Variants in MTUS2 observed in about 807,000 individuals in gnomAD.
MTUS2 encodes the protein microtubule associated scaffold protein 2, also known as microtubule-associated tumor suppressor candidate 2.
MTUS2 carries 40 observed loss-of-function variants against 114.1 expected under a neutral mutation model. The ratio of observed to expected loss-of-function variants is 0.35; its 90% confidence interval spans 0.27 to 0.46. The LOEUF (loss-of-function observed/expected upper bound fraction) is 0.46, where lower values mean the gene tolerates loss of function less well. Ranked by LOEUF, MTUS2 falls within the 20% of genes least tolerant of loss-of-function variation. MTUS2 has a pLI of 1.00. For missense variants in MTUS2, 1,679 were observed against 1,705.4 expected, an observed-to-expected ratio of 0.98 and a Z score of 0.27; for synonymous variants, 688 against 672.0, an observed-to-expected ratio of 1.02 and a Z score of -0.37.
chr13:29,211,210 A>G (rs1030446462), intron 5 of MTUS2, among the ~76,000 whole-genome samples: 11 of 152,016 alleles, frequency 7.2e-5, no homozygotes, highest in Admixed American at 6.6e-5. Flanking sequence ...CAGGGAGATT[A>G]TGCCTGCCTC....
At chr13:29,395,078 A>C (rs1272374197) in intron 8 of MTUS2, among the ~76,000 whole-genome samples, 2 of 152,184 alleles carry the variant, frequency 1.3e-5, no homozygotes, top group African/African-American at 4.8e-5. Flanking sequence ...ATATTTTGGG[A>C]TAAAATACTT....
At chr13:29,158,358 C>CTTTTTTTTT (rs372666382) in intron 5 of MTUS2, among the ~76,000 whole-genome samples, 2 of 32,056 alleles carry the variant, frequency 6.2e-5, no homozygotes, top group African/African-American at 2.1e-4. Context: ...GTCCACCCCG[C>CTTTTTTTTT]TTTTTTTTTT....
intron 5 of MTUS2, among the ~76,000 whole-genome samples, chr13:29,138,078 T>G (rs759576771): frequency 1.3e-5 from 2 of 152,178 alleles, no homozygotes; most frequent in Non-Finnish European, 2.9e-5. Flanking sequence ...GCACAGATCC[T>G]TGACATTTGG....
intron 5 of MTUS2, among the ~76,000 whole-genome samples, chr13:29,126,729 A>G (rs950171150): frequency 8.6e-5 from 13 of 151,944 alleles, no homozygotes; most frequent in Non-Finnish European, 1.8e-4. Flanking sequence ...GAAGCTACAT[A>G]TTGGACACCC....
At chr13:29,383,469 G>A (rs544205015) in intron 8 of MTUS2, among the ~76,000 whole-genome samples, 6 of 152,220 alleles carry the variant, frequency 3.9e-5, no homozygotes, top group Admixed American at 2.0e-4. Context: ...TGTGCCTAGC[G>A]AAGGCAGGGA....
At chr13:29,491,204 G>C (rs989649432) in intron 11 of MTUS2, among the ~76,000 whole-genome samples, 1 of 24,466 alleles carries the variant, frequency 4.1e-5, no homozygotes, top group Non-Finnish European at 2.0e-4. Context: ...TATGGTGGGG[G>C]TGTGGGTATG....
At chr13:29,000,846 A>C (rs1051583395) in intron 2 of MTUS2, among the ~76,000 whole-genome samples, 9 of 152,074 alleles carry the variant, frequency 5.9e-5, no homozygotes, top group Admixed American at 2.0e-4. Context: ...TCTTTACTGC[A>C]TACCTCTGAT....
intron 2 of MTUS2, among the ~76,000 whole-genome samples, chr13:28,873,767 T>G (rs934994438): frequency 6.6e-6 from 1 of 152,314 alleles, no homozygotes; most frequent in East Asian, 1.9e-4. Flanking sequence ...TATTAATAAT[T>G]GAAGAAGCCA....
intron 5 of MTUS2, among the ~76,000 whole-genome samples, chr13:29,250,128 AAAAT>A (rs923349149): frequency 1.6e-4 from 25 of 152,204 alleles, no homozygotes; most frequent in Admixed American, 1.3e-4. Context: ...AAAAAATAAT[AAAAT>A]AAAATAAAAT....
At chr13:29,199,152 A>G (rs778217003) in intron 5 of MTUS2, among the ~76,000 whole-genome samples, 3 of 152,194 alleles carry the variant, frequency 2.0e-5, no homozygotes, top group Non-Finnish European at 4.4e-5. Context: ...CTAAGCAAAA[A>G]GAACAAAGCT....
rs545542572 is a variant in MTUS2, at chr13:29,505,247, A to G, written c.*2041A>G. 5 of 231,850 alleles carry G rather than the reference A, an allele frequency of 2.2e-5. No individual in the cohort carries two copies. The Admixed American group carries it at 2.8e-4, about 13-fold the overall frequency. 14.4% of individuals were successfully genotyped at this position (231,850 alleles called of 1,614,324 possible). A position where few individuals can be genotyped will look rare whatever the true frequency, so the allele number is the denominator to read the frequency against. ...TGTCCGAATTAGGAACCGCTTACATAGCCGCACCTGCTAAATGCAGTTACA... is the reference window on the plus strand; with the variant it reads ...TGTCCGAATTAGGAACCGCTTACATGGCCGCACCTGCTAAATGCAGTTACA... On this transcript the variant is annotated 3_prime_UTR_variant, in exon 16 of 16. Transcript: ENST00000612955.
intron 8 of MTUS2, among the ~76,000 whole-genome samples, chr13:29,372,713 G>A (rs1015179338): frequency 1.3e-5 from 2 of 152,082 alleles, no homozygotes; most frequent in African/African-American, 4.8e-5. Context: ...TATATGATCT[G>A]GATTTTTTTT....
At chr13:29,356,791 A>G (rs1869778901) in intron 7 of MTUS2, among the ~76,000 whole-genome samples, 1 of 152,234 alleles carries the variant, frequency 6.6e-6, no homozygotes, top group East Asian at 1.9e-4. Flanking sequence ...TTTGTTTCTC[A>G]GCTTTTTCTT....
At chr13:28,968,675 C>G (rs1044709006) in intron 2 of MTUS2, among the ~76,000 whole-genome samples, 1 of 152,100 alleles carries the variant, frequency 6.6e-6, no homozygotes, top group Non-Finnish European at 1.5e-5. Context: ...TTTTATATGA[C>G]TCGTGCCTTA....
chr13:29,346,500 C>T (rs965151894), intron 7 of MTUS2, among the ~76,000 whole-genome samples: 18 of 150,830 alleles, frequency 1.2e-4, no homozygotes, highest in Non-Finnish European at 2.4e-4. Context: ...CTGGCAGTGA[C>T]AGGCCTTACC....
In MTUS2 at chr13:29,316,976, T is replaced by G. The variant is rs74041795; in HGVS notation, c.2807-7637T>G. Among the ~76,000 whole-genome samples, 1,146 of 152,322 alleles carry G rather than the reference T, an allele frequency of 7.5e-3. 13 individuals carry two copies. The highest frequency in any genetic ancestry group is 0.026 in the African/African-American group (1,079 of 41,570). ...CTTAGTAATGAATTGATCAGTGAATTTATTGGGCTTGGGGGGGAATTTACA... is the reference window on the plus strand; with the variant it reads ...CTTAGTAATGAATTGATCAGTGAATGTATTGGGCTTGGGGGGGAATTTACA... On this transcript the variant is annotated intron_variant, in intron 6 of 15. Coordinates refer to ENST00000612955, the MANE Select transcript of MTUS2 (RefSeq NM_001033602.4).
chr13:28,907,647 A>C (rs1880122714), intron 2 of MTUS2, among the ~76,000 whole-genome samples: 1 of 151,538 alleles, frequency 6.6e-6, no homozygotes, highest in Non-Finnish European at 1.5e-5. Flanking sequence ...AGATCAAAAG[A>C]GACAAAGAAG....
chr13:29,308,198 A>C (rs1899571637), intron 6 of MTUS2, among the ~76,000 whole-genome samples: 1 of 152,204 alleles, frequency 6.6e-6, no homozygotes, highest in African/African-American at 2.4e-5. Flanking sequence ...GTACTGGTAC[A>C]AGAACAGACA....
chr13:29,358,834 G>A (rs747458374), intron 7 of MTUS2, among the ~76,000 whole-genome samples: 4 of 152,008 alleles, frequency 2.6e-5, no homozygotes, highest in Non-Finnish European at 5.9e-5. Context: ...GAAGAAAGGG[G>A]CATCGAGGTG....
Sources: allele counts gnomAD v4.1 joint callset (sites outside exome capture counted in the v4.1 genomes callset), GRCh38; gene constraint gnomAD v4.1.1; transcripts MANE v1.5; gene names NCBI Gene and HGNC (gene_info 2026-07-23, HGNC 2026-07-21).